Variants in MRAP observed in about 807,000 individuals in gnomAD.
The protein encoded by MRAP is melanocortin-2 receptor accessory protein.
MRAP carries 8 observed loss-of-function variants against 8.7 expected under a neutral mutation model. The ratio of observed to expected loss-of-function variants is 0.92; its 90% CI spans 0.54 to 1.66. The LOEUF is 1.66. Ranked by LOEUF, MRAP falls within the 40% of genes most tolerant of loss-of-function variation. The probability of loss-of-function intolerance (pLI) is 0.00; values close to 1 mark genes in which losing one functional copy is unlikely to be tolerated. For missense variants in MRAP, 237 were observed against 217.1 expected (o/e 1.09, Z -0.58); for synonymous variants, 95 against 95.5 (o/e 1.00, Z 0.03).
chr21:32,310,654 CT>C (rs34024378), intron 2 of MRAP, among the ~76,000 whole-genome samples: 173 of 144,294 alleles, frequency 1.2e-3, no homozygotes, highest in Middle Eastern at 7.2e-3. Flanking sequence ...TTTTTTTTTT[CT>C]TTTTTTTTTT....
upstream of MRAP, among the ~76,000 whole-genome samples, chr21:32,296,491 A>G (rs190222454): frequency 3.9e-5 from 6 of 152,252 alleles, no homozygotes; most frequent in East Asian, 7.7e-4. Context: ...TCACTTCACA[A>G]CGGGGTTACA....
At chr21:32,307,502 AG>A (rs1433015729) in intron 2 of MRAP, among the ~76,000 whole-genome samples, 4 of 150,160 alleles carry the variant, frequency 2.7e-5, no homozygotes, top group Admixed American at 1.3e-4. Context: ...GCTGGAACCC[AG>A]GTGGCGGAGG....
At chr21:32,306,869 T>C in intron 2 of MRAP, 130 bp downstream of exon 2, 2 of 784,730 alleles carry the variant, frequency 2.5e-6, no homozygotes. Flanking sequence ...TAAAAATATT[T>C]GCATTGTACC....
intron 1 of MRAP, among the ~76,000 whole-genome samples, chr21:32,304,512 G>A (rs942390408): frequency 6.6e-6 from 1 of 152,054 alleles, no homozygotes; most frequent in Non-Finnish European, 1.5e-5. Flanking sequence ...CTACTCGGGA[G>A]GCTGAGGCGG....
chr21:32,314,145 T>C (rs555960382), downstream of MRAP: 6 of 188,426 alleles, frequency 3.2e-5, no homozygotes, highest in East Asian at 6.8e-4. Context: ...CAAAAAGTCA[T>C]ACTAATACTT....
chr21:32,300,529 C>T (rs1015421639), intron 1 of MRAP, among the ~76,000 whole-genome samples: 6 of 146,452 alleles, frequency 4.1e-5, no homozygotes, highest in African/African-American at 1.0e-4. Flanking sequence ...CGTCATGCGT[C>T]GCATGTCAGA....
rs561652457 is a variant in MRAP at position 32,301,934 on chromosome 21, T to C, written c.106+2857T>C. The stretch of plus-strand genomic sequence containing the variant: ...CAAAGTATAGATTAAACAAAACGAC[T>C]ACATAAAACTCTTTTTCTCTCATTC... On this transcript the variant is annotated intron_variant, in intron 1 of 2. Coordinates refer to ENST00000303645, the MANE Select transcript of MRAP (RefSeq NM_001379228.1). Among the ~76,000 whole-genome samples the C allele has an allele frequency of 4.8e-4, 73 of 152,332 alleles. 1 individual carries two copies. Among genetic ancestry groups the C allele is most frequent in the African/African-American group, 1.6e-3 (68 of 41,584 alleles).
At chr21:32,303,660 C>T (rs1378070388) in intron 1 of MRAP, among the ~76,000 whole-genome samples, 4 of 152,318 alleles carry the variant, frequency 2.6e-5, no homozygotes, top group East Asian at 1.9e-4. Flanking sequence ...TATGGCTGGA[C>T]CACTTTCATT....
chr21:32,297,480 C>T (rs1267245100), upstream of MRAP, among the ~76,000 whole-genome samples: 1 of 152,194 alleles, frequency 6.6e-6, no homozygotes, highest in African/African-American at 2.4e-5. Flanking sequence ...GGGTGTGCAC[C>T]TGGATCAGGC....
chr21:32,313,984 A>G (rs997369199), downstream of MRAP: 1 of 153,682 alleles, frequency 6.5e-6, no homozygotes, highest in African/African-American at 2.4e-5. Flanking sequence ...AAGCATTTAT[A>G]AAATTCAAAA....
upstream of MRAP, among the ~76,000 whole-genome samples, chr21:32,297,918 C>G (rs2032169894): frequency 6.6e-6 from 1 of 152,158 alleles, no homozygotes; most frequent in Non-Finnish European, 1.5e-5. Context: ...CGGAGGGGCT[C>G]AAGTTATCTG....
chr21:32,311,715 T>TG lies in MRAP; in HGVS notation c.240dup (p.Ser81GlufsTer40). 6.2e-7 allele frequency: 1 copy of TG among 1,614,030 alleles called. No homozygotes were observed. The highest frequency in any genetic ancestry group is 8.5e-7 in the Non-Finnish European group (1 of 1,179,976). On this transcript the variant is annotated frameshift_variant, in exon 3 of 3. Transcript: ENST00000303645. LOFTEE classifies it low-confidence loss of function (END_TRUNC). ...CCCCAAGCACCACCAAACATGCCCC[T>TG]GGAGTCACGGCCTCAACCTCCACCT... is the stretch of plus-strand genomic sequence containing the variant.
intron 1 of MRAP, among the ~76,000 whole-genome samples, chr21:32,301,648 C>G (rs1287950361): frequency 1.3e-5 from 2 of 152,194 alleles, no homozygotes; most frequent in Admixed American, 6.5e-5. Flanking sequence ...CAGATACCAG[C>G]CTAATGCTCC....
intron 2 of MRAP, among the ~76,000 whole-genome samples, chr21:32,310,210 C>T (rs2032524773): frequency 6.6e-6 from 1 of 152,178 alleles, no homozygotes; most frequent in African/African-American, 2.4e-5. Flanking sequence ...TCCTGACCAG[C>T]TACATGGCTT....
intron 1 of MRAP, among the ~76,000 whole-genome samples, chr21:32,304,345 G>C (rs994969587): frequency 1.3e-5 from 2 of 152,114 alleles, no homozygotes; most frequent in Non-Finnish European, 2.9e-5. Context: ...GGCTGGGTGC[G>C]GTGACTCACG....
At chr21:32,297,561 A>G (rs1470102000), upstream of MRAP, among the ~76,000 whole-genome samples, 1 of 152,024 alleles carries the variant, frequency 6.6e-6, no homozygotes, top group East Asian at 1.9e-4. Flanking sequence ...CCTGAGTTGT[A>G]TTCTTTTATG....
At chr21:32,300,743 T>C (rs574210707) in intron 1 of MRAP, among the ~76,000 whole-genome samples, 1 of 14,362 alleles carries the variant, frequency 7.0e-5, no homozygotes, top group South Asian at 2.1e-3. Context: ...CCTATGTCAG[T>C]GTGTCGTGCG....
At chr21:32,309,238 T>G (rs775796985) in intron 2 of MRAP, among the ~76,000 whole-genome samples, 3 of 151,892 alleles carry the variant, frequency 2.0e-5, no homozygotes, top group Middle Eastern at 3.4e-3. Context: ...CAGCTCCCAG[T>G]GTTGCCACAC....
At chr21:32,299,424 G>A (rs2032207089) in intron 1 of MRAP, among the ~76,000 whole-genome samples, 2 of 152,102 alleles carry the variant, frequency 1.3e-5, no homozygotes, top group African/African-American at 4.8e-5. Flanking sequence ...AACCTCGACT[G>A]CCCTGGGTCA....
Sources: gnomAD v4.1 joint callset for allele counts (sites outside exome capture counted in the v4.1 genomes callset) on GRCh38, gnomAD v4.1.1 for gene constraint, MANE v1.5 for transcripts, NCBI Gene and HGNC (gene_info 2026-07-23, HGNC 2026-07-21) for gene names.